Variants in TK2 observed in about 807,000 individuals in gnomAD.
TK2 encodes thymidine kinase 2, also known as thymidine kinase 2, mitochondrial.
In TK2, 35 loss-of-function variants were observed where a neutral mutation model predicts 41.9. The ratio of observed to expected loss-of-function variants is 0.84; its 90% CI spans 0.64 to 1.11. TK2 has a LOEUF of 1.11. TK2 is among the 50% of genes least tolerant of loss of function. The pLI, the probability that TK2 is intolerant of heterozygous loss-of-function variation, is 0.00. For missense variants in TK2, 320 were observed against 351.1 expected, an observed-to-expected ratio of 0.91 and a Z score of 0.71; for synonymous variants, 128 against 129.1, an observed-to-expected ratio of 0.99 and a Z score of 0.06.
chr16:66,541,790 G>T, intron 3 of TK2, 89 bp downstream of exon 3: 1 of 1,353,678 alleles, frequency 7.4e-7, no homozygotes, highest in Non-Finnish European at 1.1e-6. Flanking sequence ...TCAAATTATA[G>T]TCCTATTGGA....
At chr16:66,547,647 T>A (rs1442295691) in intron 2 of TK2, among the ~76,000 whole-genome samples, 1 of 151,582 alleles carries the variant, frequency 6.6e-6, no homozygotes, top group East Asian at 1.9e-4. Context: ...TCCACCATTC[T>A]CCTAGTTACT....
chr16:66,515,600 C>T (rs1964588938), intron 8 of TK2, among the ~76,000 whole-genome samples: 1 of 152,234 alleles, frequency 6.6e-6, no homozygotes, highest in Non-Finnish European at 1.5e-5. Flanking sequence ...TCTCCCTTGG[C>T]AATAGGAGCC....
intron 6 of TK2, among the ~76,000 whole-genome samples, chr16:66,522,609 G>A (rs1402298419): frequency 6.6e-6 from 1 of 152,236 alleles, no homozygotes; most frequent in East Asian, 1.9e-4. Flanking sequence ...GCTAACGCCT[G>A]TAATCCCAGC....
Position 66,513,760 on chromosome 16 carries a change from T to A in TK2, c.670A>T (p.Ser224Cys), listed in dbSNP as rs1964520885. The A allele has an allele frequency of 6.2e-7, 1 of 1,613,952 alleles. No homozygotes were observed. Among genetic ancestry groups the A allele is most frequent in the Non-Finnish European group, 8.5e-7 (1 of 1,180,020 alleles). Residue 224 changes from serine (S) to cysteine (C), a missense_variant, in exon 9 of 10, where the codon AGC (serine) becomes TGC (cysteine). Physicochemically the swap from Ser to Cys is moderately radical, Grantham distance 112 (BLOSUM62 -1). Coordinates refer to ENST00000544898, the MANE Select transcript of TK2 (RefSeq NM_004614.5). ...HLHEEWLIKG[S>C]LFPMAAPVLV... The stretch of plus-strand genomic sequence containing the variant: ...ACAGGGGCTGCCATGGGGAAAAGGC[T>A]GCCTTTGATGAGCCACTCCTCATGG...
chr16:66,520,106 A>G (rs1471847432), intron 6 of TK2, among the ~76,000 whole-genome samples: 1 of 152,206 alleles, frequency 6.6e-6, no homozygotes, highest in African/African-American at 2.4e-5. Context: ...ACTGCAGCAC[A>G]GAGGCCAGGG....
In TK2 at chr16:66,514,868, C is replaced by T. The variant is rs554565490; in HGVS notation, c.619-1057G>A. 1.5e-4 allele frequency among the ~76,000 whole-genome samples: 23 copies of T among 152,126 alleles called. No homozygotes were observed. The highest frequency in any genetic ancestry group is 5.3e-4 in the African/African-American group (22 of 41,406). ...ATGCTGTTAGTCTATAACCTTACCC[C>T]CAACCCCGTGCTCTCTGAAACGTGT... On this transcript the variant is annotated intron_variant, in intron 8 of 9. Coordinates refer to ENST00000544898, the MANE Select transcript of TK2 (RefSeq NM_004614.5). This position sits in a 1 kb window ranked among gnomAD's most constrained non-coding sequence, Gnocchi z 4.2.
chr16:66,543,317 T>C (rs1965511653), intron 2 of TK2, among the ~76,000 whole-genome samples: 2 of 152,182 alleles, frequency 1.3e-5, no homozygotes, highest in Admixed American at 6.5e-5. Flanking sequence ...AAACATGAGG[T>C]GGCACCAGGT....
upstream of TK2, chr16:66,550,248 C>T: frequency 6.2e-7 from 1 of 1,603,142 alleles, no homozygotes; most frequent in Non-Finnish European, 8.5e-7. Flanking sequence ...AGCCAGAAGC[C>T]TTACCACTGC....
chr16:66,548,989 T>C lies in TK2; in HGVS notation c.145A>G (p.Lys49Glu), dbSNP rs745494341. 6.2e-7 allele frequency: 1 copy of C among 1,613,676 alleles called. No homozygotes were observed. Among genetic ancestry groups the C allele is most frequent in the South Asian group, 1.1e-5 (1 of 91,064 alleles). ...AAAGAGGGACTTACCACTGATTTTT[T>C]CTCTTTTTCCTGTTCTTTATCTACA... The part of the protein sequence containing the change: ...WPPDKEQEKE[K>E]KSVICVEGNI... Residue 49 changes from lysine (K) to glutamate (E), a missense_variant, in exon 2 of 10, where the codon AAA becomes GAA. Transcript: ENST00000544898.
At chr16:66,531,648 A>T (rs550986789) in intron 4 of TK2, among the ~76,000 whole-genome samples, 179 bp from the exon 5 acceptor site, 1 of 152,310 alleles carries the variant, frequency 6.6e-6, no homozygotes, top group East Asian at 1.9e-4. Context: ...CACTGAAACA[A>T]TTATAGGACA....
intron 6 of TK2, among the ~76,000 whole-genome samples, chr16:66,528,302 G>C (rs1402132219): frequency 1.3e-5 from 2 of 152,182 alleles, no homozygotes; most frequent in Non-Finnish European, 2.9e-5. Flanking sequence ...CAGGGATGGA[G>C]GGCCCCATGC....
Position 66,508,551 on chromosome 16 carries a change from C to T in TK2, c.*3417G>A, listed in dbSNP as rs1964357931. 6.6e-6 allele frequency: 1 copy of T among 152,232 alleles called. No individual in the cohort carries two copies. Among genetic ancestry groups the T allele is most frequent in the Admixed American group, 6.5e-5 (1 of 15,290 alleles). 9.4% of individuals were successfully genotyped at this position (152,232 alleles called of 1,614,324 possible). A position where few individuals can be genotyped will look rare whatever the true frequency, so the allele number is the denominator to read the frequency against. ...GTTCCTCATTCCACACACATGTGAACACTTGAGGGAGCTCCCCACCCCAGG... is the reference window on the plus strand; with the variant it reads ...GTTCCTCATTCCACACACATGTGAATACTTGAGGGAGCTCCCCACCCCAGG... On this transcript the variant is annotated 3_prime_UTR_variant, in exon 10 of 10. Coordinates refer to ENST00000544898, the MANE Select transcript of TK2 (RefSeq NM_004614.5).
intron 6 of TK2, among the ~76,000 whole-genome samples, chr16:66,528,419 G>C (rs571862037): frequency 6.6e-6 from 1 of 152,150 alleles, no homozygotes; most frequent in East Asian, 1.9e-4. Context: ...CAAATGCGAC[G>C]CACACTGTGC....
At chr16:66,530,064 A>G (rs1965062111) in intron 5 of TK2, among the ~76,000 whole-genome samples, 1 of 152,248 alleles carries the variant, frequency 6.6e-6, no homozygotes, top group Admixed American at 6.5e-5. Flanking sequence ...AAAGCAAATT[A>G]GCAAAGGCAA....
chr16:66,541,888 T>C lies in TK2; in HGVS notation c.222A>G (p.Thr74=). The change falls in exon 3 of 10, where the codon ACA becomes ACG. Residue 74 remains threonine, a synonymous_variant. Coordinates refer to ENST00000544898, the MANE Select transcript of TK2 (RefSeq NM_004614.5). ...AGCATAGAGGCTGTACCTCGACGTC[T>C]GTCGCGTTGGAGAAGAATTCCAGGC... ...TTCLEFFSNA[T]DVEVLTEPVS... 1 of 1,614,206 alleles carries C rather than the reference T, an allele frequency of 6.2e-7. No individual in the cohort carries two copies. Among genetic ancestry groups the C allele is most frequent in the Admixed American group, 1.7e-5 (1 of 60,022 alleles).
rs1353218736 is a variant in TK2, at chr16:66,512,070, G to T, written c.700-4C>A. The T allele has an allele frequency of 6.2e-7, 1 of 1,613,714 alleles. No homozygotes were observed. The highest frequency in any genetic ancestry group is 8.5e-7 in the Non-Finnish European group (1 of 1,179,636). ...TGTGGTGGTCAGCCTCAATCACCTG[G>T]AAATTAGACACATGGGTCACAAGGC... On this transcript the variant is annotated splice_polypyrimidine_tract_variant and splice_region_variant and intron_variant, in intron 9 of 9. Coordinates refer to ENST00000544898, the MANE Select transcript of TK2 (RefSeq NM_004614.5).
intron 2 of TK2, among the ~76,000 whole-genome samples, chr16:66,545,222 A>G (rs967356812): frequency 1.3e-5 from 2 of 152,218 alleles, no homozygotes; most frequent in South Asian, 4.1e-4. Context: ...ACCTTATTAC[A>G]CAATCCCTAA....
chr16:66,531,361 CTG>C lies in TK2; in HGVS notation c.375+17_375+18del. 6.2e-7 allele frequency: 1 copy of C among 1,612,554 alleles called. No individual in the cohort carries two copies. The highest frequency in any genetic ancestry group is 1.1e-5 in the South Asian group (1 of 91,046). On this transcript the variant is annotated intron_variant, in intron 5 of 9. Transcript: ENST00000544898. ...AAGAAAACGTTTAAGAAGGCTGAAACTGAGCATCTGAAACCTACCTGAGGACG... is the reference window on the plus strand; with the variant it reads ...AAGAAAACGTTTAAGAAGGCTGAAACAGCATCTGAAACCTACCTGAGGACG...
rs1964365896 is a variant in TK2 at position 66,508,807 on chromosome 16, A to G, written c.*3161T>C. 6.6e-6 allele frequency: 1 copy of G among 152,290 alleles called. No individual in the cohort carries two copies. The highest frequency in any genetic ancestry group is 1.5e-5 in the Non-Finnish European group (1 of 68,070). The allele number at this position is 152,290 out of a possible 1,614,324, so 9.4% of individuals were successfully genotyped here. The stretch of plus-strand genomic sequence containing the variant: ...GAAAGGGGCAGAAAGAGAAAGTGAA[A>G]AGTAAAAACAAGCTGGGTAATGTTT... On this transcript the variant is annotated 3_prime_UTR_variant, in exon 10 of 10. Transcript: ENST00000544898.
Sources: allele counts gnomAD v4.1 joint callset (sites outside exome capture counted in the v4.1 genomes callset), GRCh38; gene constraint gnomAD v4.1.1; non-coding constraint Gnocchi (gnomAD v3.1); transcripts MANE v1.5; gene names NCBI Gene and HGNC (gene_info 2026-07-23, HGNC 2026-07-21).